CFAP73: variants seen among roughly 807,000 people sequenced by gnomAD.
CFAP73 encodes the protein cilia- and flagella-associated protein 73.
Under a neutral mutation model 42.9 loss-of-function variants are expected in CFAP73, and 33 were observed. That is an observed-to-expected ratio of 0.77 (90% CI 0.58 to 1.03). The LOEUF is 1.03. Among genes scored for constraint, CFAP73 ranks in the 50% least tolerant of loss-of-function variants. The pLI is 0.00. For missense variants in CFAP73, 392 were observed against 411.9 expected, an observed-to-expected ratio of 0.95 and a Z score of 0.42; for synonymous variants, 162 against 186.8, an observed-to-expected ratio of 0.87 and a Z score of 1.08.
chr12:113,158,947 T>C lies in CFAP73; in HGVS notation c.*258T>C. 6.2e-7 allele frequency: 1 copy of C among 1,611,526 alleles called. No individual in the cohort carries two copies. Among genetic ancestry groups the C allele is most frequent in the Non-Finnish European group, 8.5e-7 (1 of 1,178,692 alleles). On this transcript the variant is annotated 3_prime_UTR_variant, in exon 8 of 8. Transcript: ENST00000335621. This position sits in a 1 kb window ranked among gnomAD's most constrained non-coding sequence, Gnocchi z 4.9. The stretch of plus-strand genomic sequence containing the variant: ...GCCGAAGGCGCCCTGCTGCAGCTCC[T>C]GGACGCGGCGGCGGTTGCGGGCAGA...
At position 113,149,920 on chromosome 12, in the gene CFAP73, G is replaced by A. The variant is rs561708886; in HGVS notation, c.56+7G>A. The A allele has an allele frequency of 2.6e-6, 4 of 1,551,188 alleles. No individual in the cohort carries two copies. Among genetic ancestry groups the A allele is most frequent in the Non-Finnish European group, 3.5e-6 (4 of 1,146,584 alleles). On this transcript the variant is annotated splice_region_variant and intron_variant, in intron 1 of 7. Coordinates refer to ENST00000335621, the MANE Select transcript of CFAP73 (RefSeq NM_001144872.3). Reference sequence around the variant, plus strand: ...TGCAAGAGAAACTGTCTACGTGAGTGGGACGTAGAGGGAGGGAGGGCTAGA... The same window carrying A: ...TGCAAGAGAAACTGTCTACGTGAGTAGGACGTAGAGGGAGGGAGGGCTAGA...
chr12:113,158,925 G>A lies in CFAP73; in HGVS notation c.*236G>A, dbSNP rs555344760. ...CCTTCTTGGAGCGGGCACCCCGGCC[G>A]AAGGCGCCCTGCTGCAGCTCCTGGA... is the stretch of plus-strand genomic sequence containing the variant. On this transcript the variant is annotated 3_prime_UTR_variant, in exon 8 of 8. Coordinates refer to ENST00000335621, the MANE Select transcript of CFAP73 (RefSeq NM_001144872.3). The surrounding 1 kb of genome is among the most constrained non-coding windows in gnomAD (Gnocchi z 4.9). The A allele has an allele frequency of 1.6e-5, 26 of 1,609,480 alleles. No homozygotes were observed. The highest frequency in any genetic ancestry group is 3.3e-4 in the Middle Eastern group (2 of 6,048).
intron 6 of CFAP73, chr12:113,157,265 T>C: frequency 3.4e-6 from 1 of 294,858 alleles, no homozygotes; most frequent in East Asian, 5.9e-5. Context: ...GAGATAAGAG[T>C]AGGTCACAAA....
chr12:113,156,123 T>G (rs946435935), intron 6 of CFAP73, among the ~76,000 whole-genome samples: 20 of 151,916 alleles, frequency 1.3e-4, no homozygotes, highest in Non-Finnish European at 2.4e-4. Flanking sequence ...TTTCACCAGG[T>G]TGGCCAGGCT....
At chr12:113,151,679 TC>T (rs1336159545) in intron 1 of CFAP73, among the ~76,000 whole-genome samples, 1 of 151,102 alleles carries the variant, frequency 6.6e-6, no homozygotes, top group African/African-American at 2.4e-5. Flanking sequence ...ATGCCTGCAG[TC>T]CCAGCTACTC....
intron 7 of CFAP73, 69 bp downstream of exon 7, chr12:113,157,759 G>T: frequency 8.8e-7 from 1 of 1,136,040 alleles, no homozygotes. Flanking sequence ...AATGGGGTGT[G>T]GACTGAGTGG....
chr12:113,154,693 G>C lies in CFAP73; in HGVS notation c.690+58G>C. 1 of 1,378,646 alleles carries C rather than the reference G, an allele frequency of 7.3e-7. No individual in the cohort carries two copies. Among genetic ancestry groups the C allele is most frequent in the Non-Finnish European group, 9.3e-7 (1 of 1,075,230 alleles). The allele number at this position is 1,378,646 out of a possible 1,614,324, so 85.4% of individuals were successfully genotyped here. On this transcript the variant is annotated intron_variant, in intron 5 of 7. Coordinates refer to ENST00000335621, the MANE Select transcript of CFAP73 (RefSeq NM_001144872.3). The surrounding 1 kb of genome is among the most constrained non-coding windows in gnomAD (Gnocchi z 4.7). ...ACCCCAGGCTTCCACAGCCGGGCGG[G>C]GAGGAACGCCAGGGCTGATGAGGAC...
chr12:113,155,392 G>C lies in CFAP73; in HGVS notation c.823G>C (p.Glu275Gln). ...GGGGCAGCCTCCCACCCTGGACATC[G>C]AGGACACGGAGGGACAGCTAGAGCA... Reference protein sequence around the residue: ...HQGQPPTLDIEDTEGQLEHVK... With the variant: ...HQGQPPTLDIQDTEGQLEHVK... The change falls in exon 6 of 8, where the codon GAG becomes CAG. Residue 275 changes from glutamate (E) to glutamine (Q), a missense_variant. Glu to Gln is a conservative substitution (Grantham distance 29). Transcript: ENST00000335621. The C allele has an allele frequency of 1.9e-6, 3 of 1,550,906 alleles. No homozygotes were observed. Among genetic ancestry groups the C allele is most frequent in the Admixed American group, 2.0e-5 (1 of 50,950 alleles).
rs1305371690 is a variant in CFAP73 at position 113,155,301 on chromosome 12, G to C, written c.732G>C (p.Lys244Asn). 2 of 1,550,102 alleles carry C rather than the reference G, an allele frequency of 1.3e-6. No homozygotes were observed. Among genetic ancestry groups the C allele is most frequent in the South Asian group, 2.4e-5 (2 of 83,954 alleles). ...WIQIQNTAAEKTLLLGRSRMA... is the reference protein window; with the variant it reads ...WIQIQNTAAENTLLLGRSRMA... ...AGATTCAGAACACAGCAGCGGAGAA[G>C]ACTCTGCTCCTGGGACGCAGCAGGA... is the stretch of plus-strand genomic sequence containing the variant. Residue 244 changes from lysine to asparagine, a missense_variant, in exon 6 of 8, where the codon AAG becomes AAC. Lys to Asn is a moderately conservative substitution (Grantham distance 94, BLOSUM62 0). Transcript: ENST00000335621.
chr12:113,150,740 T>G (rs1220656741), intron 1 of CFAP73, among the ~76,000 whole-genome samples: 1 of 152,092 alleles, frequency 6.6e-6, no homozygotes, highest in African/African-American at 2.4e-5. Context: ...CCGCTCCCAC[T>G]TCACTTAGAG....
chr12:113,154,299 T>C lies in CFAP73; in HGVS notation c.469-115T>C. 5.4e-6 allele frequency: 7 copies of C among 1,289,992 alleles called. No homozygotes were observed. Among genetic ancestry groups the C allele is most frequent in the Non-Finnish European group, 7.5e-6 (7 of 931,794 alleles). 79.9% of individuals were successfully genotyped at this position (1,289,992 alleles called of 1,614,324 possible). A position where few individuals can be genotyped will look rare whatever the true frequency, so the allele number is the denominator to read the frequency against. ...TCTCTAACAAATGGAGGTTGACATT[T>C]AAGTCACTTTCCAGAAAGATTATTC... On this transcript the variant is annotated intron_variant, in intron 4 of 7. Transcript: ENST00000335621. The surrounding 1 kb of genome is among the most constrained non-coding windows in gnomAD (Gnocchi z 4.7).
At chr12:113,150,296 GC>G (rs537535124) in intron 1 of CFAP73, among the ~76,000 whole-genome samples, 130 of 152,260 alleles carry the variant, frequency 8.5e-4, no homozygotes, top group African/African-American at 3.0e-3. Flanking sequence ...CTCAGTATCA[GC>G]ATCTGTAAAA....
Position 113,159,270 on chromosome 12 carries a change from A to C in CFAP73, c.*581A>C. On this transcript the variant is annotated 3_prime_UTR_variant, in exon 8 of 8. Transcript: ENST00000335621. ...GTAGGTGGCTAATAAAGTTTTAGGC[A>C]GCCTCATGGAGTGGTCAATAACACG... 1.3e-6 allele frequency: 1 copy of C among 755,240 alleles called. No individual in the cohort carries two copies. Among genetic ancestry groups the C allele is most frequent in the Non-Finnish European group, 2.0e-6 (1 of 489,546 alleles). The allele number at this position is 755,240 out of a possible 1,614,324, so 46.8% of individuals were successfully genotyped here.
At position 113,151,994 on chromosome 12, in the gene CFAP73, G is replaced by A. The variant is rs61738699; in HGVS notation, c.133G>A (p.Ala45Thr). 8,898 of 1,551,494 alleles carry A rather than the reference G, an allele frequency of 5.7e-3. 520 individuals are homozygous for A. In the East Asian group the frequency reaches 0.15, roughly 27 times the overall value. The change falls in exon 2 of 8, where the codon GCA (alanine) becomes ACA (threonine). Residue 45 changes from alanine (A) to threonine (T), a missense_variant. Coordinates refer to ENST00000335621, the MANE Select transcript of CFAP73 (RefSeq NM_001144872.3). ...GGAGAAGAGGCAAGAGCTGGTAGAT[G>A]CAGACCAGGCCCTGCAGGCCCAGAA... ...LLEKRQELVDADQALQAQKEV... is the reference protein window; with the variant it reads ...LLEKRQELVDTDQALQAQKEV...
chr12:113,153,254 A>G lies in CFAP73; in HGVS notation c.314A>G (p.Glu105Gly). ...RNRALRRAAEERHQAGRREVE... is the reference protein window; with the variant it reads ...RNRALRRAAEGRHQAGRREVE... Reference sequence around the variant, plus strand: ...CGCGCGCTGCGGAGGGCGGCGGAGGAGAGGCACCAGGCGGGCCGTCGGGAG... The same window carrying G: ...CGCGCGCTGCGGAGGGCGGCGGAGGGGAGGCACCAGGCGGGCCGTCGGGAG... Residue 105 changes from glutamate (E) to glycine (G), a missense_variant, in exon 4 of 8, where the codon GAG becomes GGG. Transcript: ENST00000335621. 6.6e-6 allele frequency: 10 copies of G among 1,520,508 alleles called. No individual in the cohort carries two copies. The highest frequency in any genetic ancestry group is 8.8e-6 in the Non-Finnish European group (10 of 1,140,116). 94.2% of individuals were successfully genotyped at this position (1,520,508 alleles called of 1,614,324 possible).
At chr12:113,151,023 A>G (rs968665572) in intron 1 of CFAP73, among the ~76,000 whole-genome samples, 1 of 151,378 alleles carries the variant, frequency 6.6e-6, no homozygotes, top group African/African-American at 2.4e-5. Context: ...GGCATTCTTT[A>G]TTATTATTAT....
rs966978296 is a variant in CFAP73, at chr12:113,152,699, G to A, written c.163-84G>A. 3.2e-6 allele frequency: 3 copies of A among 934,662 alleles called. No individual in the cohort carries two copies. The African/African-American group carries it at 4.9e-5, about 15-fold the overall frequency. 57.9% of individuals were successfully genotyped at this position (934,662 alleles called of 1,614,324 possible). On this transcript the variant is annotated intron_variant, in intron 2 of 7. Transcript: ENST00000335621. ...AGCAGCCACAGATCAGGGACAACAG[G>A]TGGAAGGGGTTAGGTGTGAACCTGA... is the stretch of plus-strand genomic sequence containing the variant.
chr12:113,154,296 A>AC lies in CFAP73; in HGVS notation c.469-118_469-117insC. 7.8e-7 allele frequency: 1 copy of AC among 1,276,356 alleles called. No individual in the cohort carries two copies. The highest frequency in any genetic ancestry group is 1.3e-5 in the South Asian group (1 of 77,066). The allele number at this position is 1,276,356 out of a possible 1,614,324, so 79.1% of individuals were successfully genotyped here. ...TTGTCTCTAACAAATGGAGGTTGACATTTAAGTCACTTTCCAGAAAGATTA... is the reference window on the plus strand; with the variant it reads ...TTGTCTCTAACAAATGGAGGTTGACACTTTAAGTCACTTTCCAGAAAGATTA... On this transcript the variant is annotated intron_variant, in intron 4 of 7. Transcript: ENST00000335621. The surrounding 1 kb of genome is among the most constrained non-coding windows in gnomAD (Gnocchi z 4.7).
chr12:113,157,697 A>G lies in CFAP73; in HGVS notation c.*11+7A>G, dbSNP rs1199165595. On this transcript the variant is annotated splice_region_variant and intron_variant, in intron 7 of 7. Coordinates refer to ENST00000335621, the MANE Select transcript of CFAP73 (RefSeq NM_001144872.3). The stretch of plus-strand genomic sequence containing the variant: ...CCTCCTAGCCCTGACACAGGTGAGC[A>G]GCGGGAGAGGGAACCCCTGAGAGAC... 1 of 1,549,350 alleles carries G rather than the reference A, an allele frequency of 6.5e-7. No homozygotes were observed. Among genetic ancestry groups the G allele is most frequent in the Non-Finnish European group, 8.7e-7 (1 of 1,145,276 alleles).
Sources: gnomAD v4.1 joint callset for allele counts (sites outside exome capture counted in the v4.1 genomes callset) on GRCh38, gnomAD v4.1.1 for gene constraint, Gnocchi (gnomAD v3.1) non-coding constraint, MANE v1.5 for transcripts, NCBI Gene and HGNC (gene_info 2026-07-23, HGNC 2026-07-21) for gene names.